The following TSTD2 variants were observed in gnomAD, a reference collection of about 807,000 sequenced individuals.
The protein encoded by TSTD2 is thiosulfate sulfurtransferase/rhodanese-like domain-containing protein 2.
TSTD2 carries 37 observed loss-of-function variants against 47.9 expected under a neutral mutation model. The observed-to-expected ratio is 0.77, with a 90% CI of 0.59 to 1.02. TSTD2 has a LOEUF of 1.02. TSTD2 is among the 50% of genes least tolerant of loss of function. The pLI is 0.00. For synonymous variants in TSTD2, 201 were observed against 215.9 expected (o/e 0.93, Z 0.61); for missense variants, 586 against 616.0 (o/e 0.95, Z 0.52).
chr9:97,607,839 G>A (rs189510795), intron 6 of TSTD2, among the ~76,000 whole-genome samples: 33 of 152,330 alleles, frequency 2.2e-4, no homozygotes, highest in East Asian at 2.1e-3. Flanking sequence ...GGGAGGCAGA[G>A]GTTGTAGTGA....
intron 1 of TSTD2, among the ~76,000 whole-genome samples, chr9:97,631,253 A>G (rs1199322402): frequency 6.6e-6 from 1 of 151,840 alleles, no homozygotes; most frequent in Non-Finnish European, 1.5e-5. Flanking sequence ...AGTAGCTGGG[A>G]GTACAGCTGC....
intron 8 of TSTD2, 28 bp from the exon 9 acceptor site, chr9:97,604,893 T>C: frequency 6.2e-7 from 1 of 1,611,942 alleles, no homozygotes; most frequent in Non-Finnish European, 8.5e-7. Context: ...ACAGGAAATC[T>C]GAAGAGCCAG....
chr9:97,627,256 G>T (rs1232325451), intron 2 of TSTD2, 142 bp downstream of exon 2: 23 of 1,368,874 alleles, frequency 1.7e-5, no homozygotes, highest in Non-Finnish European at 2.2e-5. Context: ...ATTACCCTTT[G>T]CCTGGGATGG....
chr9:97,617,741 TAGG>T lies in TSTD2; in HGVS notation c.603+13_603+15del. The T allele has an allele frequency of 6.2e-7, 1 of 1,608,870 alleles. No individual in the cohort carries two copies. The highest frequency in any genetic ancestry group is 8.5e-7 in the Non-Finnish European group (1 of 1,178,278). On this transcript the variant is annotated intron_variant, in intron 4 of 9. Coordinates refer to ENST00000341170, the MANE Select transcript of TSTD2 (RefSeq NM_139246.5). ...GATGGACCCAGTGAAGGAAGGAATA[TAGG>T]AGAAGGTGTTACCTTGCCTGTGAGG...
chr9:97,611,590 C>T lies in TSTD2; in HGVS notation c.713G>A (p.Cys238Tyr). 6.2e-7 allele frequency: 1 copy of T among 1,602,466 alleles called. No individual in the cohort carries two copies. The highest frequency in any genetic ancestry group is 1.3e-5 in the African/African-American group (1 of 74,906). ...TTCTCTTACCTTAAAATCATCTTTA[C>T]ACAGGTCATCCTTAAACAATGGGAA... is the stretch of plus-strand genomic sequence containing the variant. The part of the protein sequence containing the change: ...LSFPLFKDDL[C>Y]KDDFKTSKGG... Residue 238 changes from cysteine to tyrosine, a missense_variant, in exon 5 of 10, where the codon TGT (cysteine) becomes TAT (tyrosine). Physicochemically the swap from Cys to Tyr is radical, Grantham distance 194 (BLOSUM62 -2). Coordinates refer to ENST00000341170, the MANE Select transcript of TSTD2 (RefSeq NM_139246.5).
intron 4 of TSTD2, among the ~76,000 whole-genome samples, 168 bp from the exon 5 acceptor site, chr9:97,611,867 A>C (rs997780270): frequency 1.3e-5 from 2 of 152,168 alleles, no homozygotes; most frequent in South Asian, 4.1e-4. Flanking sequence ...TTTCTTTTTT[A>C]TTTTAAACTT....
At chr9:97,610,662 A>C (rs1826442678) in intron 5 of TSTD2, among the ~76,000 whole-genome samples, 1 of 152,212 alleles carries the variant, frequency 6.6e-6, no homozygotes, top group South Asian at 2.1e-4. Flanking sequence ...AAGCTGAAAA[A>C]GTGTTTCTTT....
Position 97,602,773 on chromosome 9 carries a change from G to T in TSTD2, c.1253-6C>A. The T allele has an allele frequency of 6.3e-7, 1 of 1,596,092 alleles. No homozygotes were observed. The highest frequency in any genetic ancestry group is 8.6e-7 in the Non-Finnish European group (1 of 1,169,000). ...GGCTCCACAGTATGAACACTCTGGGGAGGAAGGAAAAGCCATCATTATAAA... is the reference window on the plus strand; with the variant it reads ...GGCTCCACAGTATGAACACTCTGGGTAGGAAGGAAAAGCCATCATTATAAA... On this transcript the variant is annotated splice_region_variant and splice_polypyrimidine_tract_variant and intron_variant, in intron 9 of 9. Transcript: ENST00000341170.
At chr9:97,625,352 GTTTT>G (rs1564010531) in intron 3 of TSTD2, among the ~76,000 whole-genome samples, 1 of 152,138 alleles carries the variant, frequency 6.6e-6, no homozygotes, top group Admixed American at 6.6e-5. Flanking sequence ...GTTGTTTCCA[GTTTT>G]TTGTTATTAT....
rs1826349070 is a variant in TSTD2 at position 97,605,471 on chromosome 9, G to A, written c.1113+12C>T. Reference sequence around the variant, plus strand: ...ACTGCCATGCCCACAGTGCCCCGGGGTGGTGGCTCACCTTGGCTTTGAGGT... The same window carrying A: ...ACTGCCATGCCCACAGTGCCCCGGGATGGTGGCTCACCTTGGCTTTGAGGT... On this transcript the variant is annotated intron_variant, in intron 8 of 9. Coordinates refer to ENST00000341170, the MANE Select transcript of TSTD2 (RefSeq NM_139246.5). The A allele has an allele frequency of 6.2e-7, 1 of 1,612,864 alleles. No homozygotes were observed. Among genetic ancestry groups the A allele is most frequent in the African/African-American group, 1.3e-5 (1 of 74,890 alleles).
Position 97,601,158 on chromosome 9 carries a change from C to T in TSTD2, c.*1311G>A. On this transcript the variant is annotated 3_prime_UTR_variant, in exon 10 of 10. Coordinates refer to ENST00000341170, the MANE Select transcript of TSTD2 (RefSeq NM_139246.5). ...CAGGAGTGGCACCATGTTGCAGGGACAACCATCCCCATTTGGCTTCTCCTT... is the reference window on the plus strand; with the variant it reads ...CAGGAGTGGCACCATGTTGCAGGGATAACCATCCCCATTTGGCTTCTCCTT... 1 of 1,302,030 alleles carries T rather than the reference C, an allele frequency of 7.7e-7. No homozygotes were observed. Among genetic ancestry groups the T allele is most frequent in the Non-Finnish European group, 1.0e-6 (1 of 988,092 alleles). 80.7% of individuals were successfully genotyped at this position (1,302,030 alleles called of 1,614,324 possible).
chr9:97,614,148 G>A (rs1053458300), intron 4 of TSTD2, among the ~76,000 whole-genome samples: 5 of 151,556 alleles, frequency 3.3e-5, no homozygotes, highest in African/African-American at 1.2e-4. Flanking sequence ...AACTCTTTAG[G>A]GTATGGATAT....
At chr9:97,603,147 A>AG (rs1159608472) in intron 9 of TSTD2, 32 of 201,892 alleles carry the variant, frequency 1.6e-4, no homozygotes, top group Non-Finnish European at 3.3e-4. Flanking sequence ...TCCCTTTTCC[A>AG]GGGGGGACAA....
At chr9:97,613,827 CTTTTTTT>C (rs755229835) in intron 4 of TSTD2, among the ~76,000 whole-genome samples, 3 of 123,074 alleles carry the variant, frequency 2.4e-5, no homozygotes, top group Admixed American at 8.2e-5. Context: ...TTGATCAATT[CTTTTTTT>C]TTTTTTTTTT....
chr9:97,631,057 G>A (rs768892883), intron 1 of TSTD2, among the ~76,000 whole-genome samples: 10 of 151,994 alleles, frequency 6.6e-5, no homozygotes, highest in Non-Finnish European at 1.2e-4. Flanking sequence ...CTGTTATTCA[G>A]ACAAAAAAAA....
At chr9:97,613,955 A>C (rs1198972941) in intron 4 of TSTD2, among the ~76,000 whole-genome samples, 1 of 151,784 alleles carries the variant, frequency 6.6e-6, no homozygotes, top group Non-Finnish European at 1.5e-5. Context: ...CGGCCTCCCA[A>C]GTAGCTGGGA....
Position 97,602,410 on chromosome 9 carries a change from T to C in TSTD2, c.*59A>G. On this transcript the variant is annotated 3_prime_UTR_variant, in exon 10 of 10. Transcript: ENST00000341170. The stretch of plus-strand genomic sequence containing the variant: ...TTCTGCAGTCTTGCCATGCTTTCTC[T>C]GTATAGTCACCCCAAACCTACTTTT... The C allele has an allele frequency of 1.3e-6, 2 of 1,506,228 alleles. No homozygotes were observed. Among genetic ancestry groups the C allele is most frequent in the South Asian group, 2.7e-5 (2 of 73,904 alleles). The allele number at this position is 1,506,228 out of a possible 1,614,324, so 93.3% of individuals were successfully genotyped here. A position where few individuals can be genotyped will look rare whatever the true frequency, so the allele number is the denominator to read the frequency against.
intron 9 of TSTD2, 39 bp downstream of exon 9, chr9:97,604,688 C>A: frequency 6.2e-7 from 1 of 1,612,240 alleles, no homozygotes; most frequent in Non-Finnish European, 8.5e-7. Context: ...TGACAATGTG[C>A]TTCATTTCAG....
chr9:97,604,852 T>A lies in TSTD2; in HGVS notation c.1127A>T (p.Glu376Val). The A allele has an allele frequency of 6.2e-7, 1 of 1,613,586 alleles. No homozygotes were observed. The highest frequency in any genetic ancestry group is 8.5e-7 in the Non-Finnish European group (1 of 1,179,972). Residue 376 changes from glutamate to valine, a missense_variant, in exon 9 of 10, where the codon GAG becomes GTG. By Grantham distance (121) the Glu-to-Val change is moderately radical. Coordinates refer to ENST00000341170, the MANE Select transcript of TSTD2 (RefSeq NM_139246.5). ...AYLKAKGVCK[E>V]VFQLKGGIHK... ...GATGCCACCCTTGAGCTGGAACACC[T>A]CCTTGCACACTCCCTAGGTGTGGAA...
Sources: gnomAD v4.1 joint callset for allele counts (sites outside exome capture counted in the v4.1 genomes callset) on GRCh38, gnomAD v4.1.1 for gene constraint, MANE v1.5 for transcripts, NCBI Gene and HGNC (gene_info 2026-07-23, HGNC 2026-07-21) for gene names.